GRID2: variants seen among roughly 807,000 people sequenced by gnomAD.
GRID2 encodes the protein glutamate receptor ionotropic, delta-2.
Under a neutral mutation model 114.8 loss-of-function variants are expected in GRID2, and 33 were observed. The observed-to-expected ratio is 0.29, with a 90% confidence interval of 0.22 to 0.38. The LOEUF (loss-of-function observed/expected upper bound fraction) is 0.38, where lower values mean the gene tolerates loss of function less well. GRID2 is among the 10% of genes least tolerant of loss of function. GRID2 has a pLI of 1.00. For synonymous variants in GRID2, 505 were observed against 449.9 expected, an observed-to-expected ratio of 1.12 and a Z score of -1.55; for missense variants, 1,184 against 1,257.7, an observed-to-expected ratio of 0.94 and a Z score of 0.89.
chr4:93,485,817 C>A (rs1368805892), intron 11 of GRID2, among the ~76,000 whole-genome samples: 1 of 151,614 alleles, frequency 6.6e-6, no homozygotes, highest in Non-Finnish European at 1.5e-5. Context: ...AGTATCTTGG[C>A]AATTTTTGTA....
intron 2 of GRID2, among the ~76,000 whole-genome samples, chr4:92,752,399 CTG>C (rs750806453): frequency 3.3e-5 from 5 of 152,088 alleles, no homozygotes; most frequent in African/African-American, 4.8e-5. Context: ...ATTTCTTAGT[CTG>C]TGACAAGAAT....
At chr4:93,778,455 G>C (rs1734413948), downstream of GRID2, among the ~76,000 whole-genome samples, 1 of 139,328 alleles carries the variant, frequency 7.2e-6, no homozygotes, top group African/African-American at 2.7e-5. Context: ...GGAATGCAGT[G>C]GCACGATCTC....
chr4:93,475,641 C>A (rs555767284), intron 11 of GRID2, among the ~76,000 whole-genome samples: 2 of 152,024 alleles, frequency 1.3e-5, no homozygotes, highest in Non-Finnish European at 2.9e-5. Context: ...AGTTTAGTAA[C>A]CAACCTCAGA....
chr4:92,879,910 T>A (rs536101137), intron 2 of GRID2, among the ~76,000 whole-genome samples: 1 of 152,316 alleles, frequency 6.6e-6, no homozygotes, highest in Non-Finnish European at 1.5e-5. Flanking sequence ...AATTAATGAA[T>A]CCAATTGGAA....
At chr4:92,358,140 G>A (rs1287039218) in intron 1 of GRID2, among the ~76,000 whole-genome samples, 1 of 151,276 alleles carries the variant, frequency 6.6e-6, no homozygotes, top group Admixed American at 6.6e-5. Flanking sequence ...GAGGCATGAT[G>A]GGTTCCAGGA....
At position 92,500,411 on chromosome 4, in the gene GRID2, C is replaced by T. The variant is rs369572589; in HGVS notation, c.89-89720C>T. On this transcript the variant is annotated intron_variant, in intron 1 of 15. Transcript: ENST00000282020. ...TTAAAAAAAAACATATTTTTATTCA[C>T]ATTCCTTTGAGAACTAAATTTTTAA... Among the ~76,000 whole-genome samples the T allele has an allele frequency of 6.2e-4, 94 of 152,182 alleles. 1 individual carries two copies. In the South Asian group the frequency reaches 0.013, roughly 21 times the overall value.
chr4:93,088,950 G>A (rs2149326674), intron 3 of GRID2, among the ~76,000 whole-genome samples: 1 of 152,128 alleles, frequency 6.6e-6, no homozygotes, highest in South Asian at 2.1e-4. Flanking sequence ...AATAATAAGG[G>A]CTAATCTAAT....
intron 13 of GRID2, among the ~76,000 whole-genome samples, chr4:93,612,599 G>A (rs1342306669): frequency 1.0e-5 from 1 of 95,502 alleles, no homozygotes; most frequent in East Asian, 2.5e-4. Flanking sequence ...ATGAAATTCT[G>A]GGTTGAAAAT....
At chr4:93,490,536 A>G in intron 11 of GRID2, 103 bp from the exon 12 acceptor site, 1 of 764,074 alleles carries the variant, frequency 1.3e-6, no homozygotes, top group South Asian at 1.9e-5. Context: ...AGCAGAAAAA[A>G]TTCTCACTAC....
intron 13 of GRID2, among the ~76,000 whole-genome samples, chr4:93,518,584 A>C (rs1042413848): frequency 2.0e-5 from 3 of 152,130 alleles, no homozygotes; most frequent in African/African-American, 7.2e-5. Context: ...GGGTATAAAC[A>C]ATAAACAAAA....
intron 2 of GRID2, among the ~76,000 whole-genome samples, chr4:92,615,836 C>T (rs1213495827): frequency 2.0e-5 from 3 of 151,546 alleles, no homozygotes; most frequent in African/African-American, 7.3e-5. Context: ...TCACAGTCTA[C>T]TTCAGGTTAA....
At chr4:93,448,679 G>A (rs1722324599) in intron 10 of GRID2, among the ~76,000 whole-genome samples, 1 of 151,846 alleles carries the variant, frequency 6.6e-6, no homozygotes, top group Non-Finnish European at 1.5e-5. Context: ...AACAACTGTA[G>A]AAAAGAGAAA....
intron 2 of GRID2, among the ~76,000 whole-genome samples, chr4:92,814,444 T>C (rs1235115661): frequency 6.6e-6 from 1 of 152,128 alleles, no homozygotes; most frequent in Admixed American, 6.6e-5. Context: ...AAGGCTGATA[T>C]CCAAACTTTA....
chr4:93,803,954 G>C (rs1022456933), intron 1 of GRID2, among the ~76,000 whole-genome samples: 2 of 152,038 alleles, frequency 1.3e-5, no homozygotes, highest in South Asian at 2.1e-4. Flanking sequence ...GGTGTGTGGC[G>C]CTTCCTGGCT....
chr4:93,298,184 T>A (rs1288652483), intron 8 of GRID2, among the ~76,000 whole-genome samples: 1 of 152,222 alleles, frequency 6.6e-6, no homozygotes. Context: ...ACCATGAATC[T>A]AGCAGTTGTT....
chr4:93,506,898 A>G (rs1422955558), intron 12 of GRID2, among the ~76,000 whole-genome samples: 1 of 152,156 alleles, frequency 6.6e-6, no homozygotes, highest in Non-Finnish European at 1.5e-5. Context: ...GAAGGAAGAC[A>G]CAGCACTTTG....
At chr4:93,448,774 G>C (rs1334573730) in intron 10 of GRID2, among the ~76,000 whole-genome samples, 2 of 144,670 alleles carry the variant, frequency 1.4e-5, no homozygotes, top group Non-Finnish European at 3.0e-5. Context: ...GGCGTAATTA[G>C]TAGTCTTGGC....
chr4:92,440,128 G>C (rs186760041), intron 1 of GRID2, among the ~76,000 whole-genome samples: 1 of 146,060 alleles, frequency 6.8e-6, no homozygotes, highest in African/African-American at 2.4e-5. Flanking sequence ...TAAAAGTATT[G>C]TCCAGTCCTT....
chr4:92,806,694 A>C (rs1018153696), intron 2 of GRID2, among the ~76,000 whole-genome samples: 1 of 151,976 alleles, frequency 6.6e-6, no homozygotes, highest in Admixed American at 6.6e-5. Context: ...AGTTTGAAAA[A>C]ATAATTTTAC....
Sources: gnomAD v4.1 joint callset for allele counts (sites outside exome capture counted in the v4.1 genomes callset) on GRCh38, gnomAD v4.1.1 for gene constraint, MANE v1.5 for transcripts, NCBI Gene and HGNC (gene_info 2026-07-23, HGNC 2026-07-21) for gene names.